GATB: variants seen among roughly 807,000 people sequenced by gnomAD.
GATB encodes glutamyl-tRNA(Gln) amidotransferase subunit B, mitochondrial.
In GATB, 39 loss-of-function variants were observed where a neutral mutation model predicts 62.3. That is an observed-to-expected ratio of 0.63 (90% CI 0.48 to 0.82). GATB has a LOEUF of 0.82. GATB is among the 40% of genes least tolerant of loss of function. The pLI is 0.00. For synonymous variants in GATB, 276 were observed against 258.9 expected (o/e 1.07, Z -0.63); for missense variants, 670 against 684.0 (o/e 0.98, Z 0.23).
chr4:151,756,504 T>C (rs538742869), intron 2 of GATB, among the ~76,000 whole-genome samples: 3 of 152,350 alleles, frequency 2.0e-5, no homozygotes, highest in South Asian at 2.1e-4. Context: ...GAAACATTTC[T>C]GAAGAAGAGG....
intron 2 of GATB, chr4:151,721,196 C>T (rs1168028057): frequency 1.3e-5 from 2 of 151,974 alleles, no homozygotes; most frequent in Non-Finnish European, 2.9e-5. Flanking sequence ...CGAGATCTCG[C>T]CACTGCACTC....
chr4:151,697,955 A>ATATATATATATATATATATATATGTG (rs1560847711), intron 9 of GATB, among the ~76,000 whole-genome samples: 7 of 35,146 alleles, frequency 2.0e-4, no homozygotes, highest in African/African-American at 1.1e-3. Context: ...GTGTGTGTGT[A>ATATATATATATATATATATATATGTG]TATATATATA....
intron 2 of GATB, among the ~76,000 whole-genome samples, chr4:151,756,433 C>A (rs555986873): frequency 1.2e-4 from 18 of 152,122 alleles, no homozygotes; most frequent in Non-Finnish European, 2.4e-4. Context: ...AATGGCAATG[C>A]TTAATTCTGG....
At chr4:151,748,944 C>G (rs1739658917) in intron 2 of GATB, among the ~76,000 whole-genome samples, 1 of 152,210 alleles carries the variant, frequency 6.6e-6, no homozygotes, top group African/African-American at 2.4e-5. Context: ...AAATGCAAAT[C>G]AAAACCACAG....
chr4:151,707,884 C>T (rs1057109298), intron 6 of GATB, 104 bp downstream of exon 6: 28 of 748,064 alleles, frequency 3.7e-5, no homozygotes, highest in East Asian at 1.9e-4. Context: ...CCAGTGAAAA[C>T]GAAAGTAGTT....
chr4:151,754,262 C>T (rs1293558028), intron 2 of GATB, among the ~76,000 whole-genome samples: 15 of 152,298 alleles, frequency 9.8e-5, no homozygotes, highest in Admixed American at 7.2e-4. Flanking sequence ...ACATGGAAAA[C>T]GTTTCAGTTT....
chr4:151,680,691 T>C (rs1738121101), intron 10 of GATB, among the ~76,000 whole-genome samples: 2 of 152,230 alleles, frequency 1.3e-5, no homozygotes. Context: ...TAAATACAGG[T>C]TGAGTTACCT....
chr4:151,704,880 C>T lies in GATB; in HGVS notation c.962+305G>A, dbSNP rs1335585603. Among the ~76,000 whole-genome samples, 6 of 151,926 alleles carry T rather than the reference C, an allele frequency of 3.9e-5. No individual in the cohort carries two copies. The East Asian group carries it at 5.8e-4, about 15-fold the overall frequency. On this transcript the variant is annotated intron_variant, in intron 7 of 12. Transcript: ENST00000263985. ...TCTCCTGCCTCAGCCTCCCAAATAG[C>T]TGGGACTACAGGCACCCATCACCAT...
At chr4:151,671,393 T>C in intron 12 of GATB, 91 bp from the exon 13 acceptor site, 1 of 1,275,442 alleles carries the variant, frequency 7.8e-7, no homozygotes, top group Non-Finnish European at 1.1e-6. Context: ...TACTGAAAAT[T>C]AAATTCCGCT....
At chr4:151,702,187 A>G (rs1165595406) in intron 8 of GATB, among the ~76,000 whole-genome samples, 1 of 152,218 alleles carries the variant, frequency 6.6e-6, no homozygotes, top group Non-Finnish European at 1.5e-5. Flanking sequence ...GGACCAAATG[A>G]GAGCAATTTG....
chr4:151,688,559 C>G, intron 10 of GATB, 71 bp downstream of exon 10: 1 of 1,487,308 alleles, frequency 6.7e-7, no homozygotes, highest in African/African-American at 1.4e-5. Flanking sequence ...AAAAAATGGA[C>G]CTGCCCTATT....
chr4:151,699,513 A>G (rs1169208069), intron 9 of GATB, among the ~76,000 whole-genome samples: 1 of 152,118 alleles, frequency 6.6e-6, no homozygotes, highest in Admixed American at 6.6e-5. Flanking sequence ...TTTAAGGCCT[A>G]CTAGGTTTGG....
intron 10 of GATB, among the ~76,000 whole-genome samples, chr4:151,682,195 C>G (rs1207911678): frequency 2.0e-5 from 3 of 152,188 alleles, no homozygotes; most frequent in Non-Finnish European, 4.4e-5. Context: ...CATCACTTTT[C>G]TGTCCCTACG....
chr4:151,690,061 T>C (rs1389505144), intron 9 of GATB, among the ~76,000 whole-genome samples: 1 of 152,224 alleles, frequency 6.6e-6, no homozygotes, highest in Admixed American at 6.5e-5. Context: ...AAGTTCACAC[T>C]GCACCTAAGG....
intron 2 of GATB, among the ~76,000 whole-genome samples, chr4:151,748,283 C>A (rs1287847929): frequency 1.3e-5 from 2 of 152,184 alleles, no homozygotes; most frequent in African/African-American, 4.8e-5. Context: ...GCTACAGTAA[C>A]CAGAACAGCA....
At chr4:151,689,547 C>T (rs1057489852) in intron 9 of GATB, among the ~76,000 whole-genome samples, 1 of 152,166 alleles carries the variant, frequency 6.6e-6, no homozygotes, top group East Asian at 1.9e-4. Context: ...GGGCTGTGCC[C>T]TCCCTGTTCA....
intron 11 of GATB, 68 bp from the exon 12 acceptor site, chr4:151,672,964 T>C: frequency 6.4e-7 from 1 of 1,570,742 alleles, no homozygotes; most frequent in Non-Finnish European, 8.7e-7. Flanking sequence ...CCATTTGCAG[T>C]GCTGTGCTGT....
chr4:151,680,516 T>C (rs1738118024), intron 10 of GATB, among the ~76,000 whole-genome samples: 1 of 152,136 alleles, frequency 6.6e-6, no homozygotes, highest in Non-Finnish European at 1.5e-5. Context: ...TATTTGCCAA[T>C]ATCCCATGAA....
chr4:151,755,264 T>C (rs1365856060), intron 2 of GATB, among the ~76,000 whole-genome samples: 1 of 152,236 alleles, frequency 6.6e-6, no homozygotes, highest in Non-Finnish European at 1.5e-5. Context: ...TTCATCTCAC[T>C]AGAATTTTTA....
Sources: gnomAD v4.1 joint callset for allele counts (sites outside exome capture counted in the v4.1 genomes callset) on GRCh38, gnomAD v4.1.1 for gene constraint, MANE v1.5 for transcripts, NCBI Gene and HGNC (gene_info 2026-07-23, HGNC 2026-07-21) for gene names.